TXNRD1: variants seen among roughly 807,000 people sequenced by gnomAD.
TXNRD1 encodes thioredoxin reductase 1, cytoplasmic.
TXNRD1 carries 57 observed loss-of-function variants against 80.3 expected under a neutral mutation model. That is an observed-to-expected ratio of 0.71 (90% CI 0.57 to 0.89). TXNRD1 has a LOEUF of 0.89. Among genes scored for constraint, TXNRD1 ranks in the 40% least tolerant of loss-of-function variants. The probability of loss-of-function intolerance (pLI) is 0.00; values close to 1 mark genes in which losing one functional copy is unlikely to be tolerated. For synonymous variants in TXNRD1, 291 were observed against 285.2 expected, an observed-to-expected ratio of 1.02 and a Z score of -0.20; for missense variants, 730 against 803.0, an observed-to-expected ratio of 0.91 and a Z score of 1.10.
chr12:104,306,415 C>T (rs981574244), intron 4 of TXNRD1, among the ~76,000 whole-genome samples: 2 of 152,074 alleles, frequency 1.3e-5, no homozygotes, highest in African/African-American at 4.8e-5. Context: ...AGCTTTCTTC[C>T]CCTTGATCCC....
chr12:104,271,856 C>T (rs1259490244), intron 3 of TXNRD1, among the ~76,000 whole-genome samples: 3 of 145,348 alleles, frequency 2.1e-5, no homozygotes, highest in African/African-American at 5.0e-5. Flanking sequence ...AGCAACAGAG[C>T]GAGACTCCAT....
chr12:104,314,960 C>G (rs1008689013), intron 6 of TXNRD1, among the ~76,000 whole-genome samples: 3 of 152,078 alleles, frequency 2.0e-5, no homozygotes, highest in Admixed American at 6.5e-5. Flanking sequence ...CCAGGCTGGT[C>G]TCGAACTCCT....
chr12:104,253,290 T>A (rs2135706235), intron 2 of TXNRD1, among the ~76,000 whole-genome samples: 1 of 152,252 alleles, frequency 6.6e-6, no homozygotes, highest in South Asian at 2.1e-4. Context: ...CTGAACACAT[T>A]CTGCATCGAT....
chr12:104,308,869 G>A (rs2035026770), intron 4 of TXNRD1, among the ~76,000 whole-genome samples: 1 of 147,706 alleles, frequency 6.8e-6, no homozygotes, highest in Non-Finnish European at 1.5e-5. Flanking sequence ...TCAATTTTAA[G>A]TTTGGTTAAA....
In TXNRD1 at chr12:104,252,765, C is replaced by T. The variant is rs781234358; in HGVS notation, c.243+1087C>T. On this transcript the variant is annotated intron_variant, in intron 2 of 16. Transcript: ENST00000525566. ...TTGCCAAGGCTGGAGTGCAGTGGCGCGATCTCAGCTCACTGCAAGCTCCGT... is the reference window on the plus strand; with the variant it reads ...TTGCCAAGGCTGGAGTGCAGTGGCGTGATCTCAGCTCACTGCAAGCTCCGT... Among the ~76,000 whole-genome samples the T allele has an allele frequency of 8.1e-4, 97 of 120,448 alleles. 1 individual carries two copies. Among genetic ancestry groups the T allele is most frequent in the East Asian group, 2.4e-3 (9 of 3,754 alleles). The allele number at this position is 120,448 out of a possible 152,430, so 79.0% of individuals were successfully genotyped here.
At position 104,321,191 on chromosome 12, in the gene TXNRD1, T is replaced by C; in HGVS notation, c.1090T>C (p.Leu364=). 1 of 1,613,934 alleles carries C rather than the reference T, an allele frequency of 6.2e-7. No homozygotes were observed. Among genetic ancestry groups the C allele is most frequent in the Non-Finnish European group, 8.5e-7 (1 of 1,179,870 alleles). The change falls in exon 10 of 17, where the codon TTA becomes CTA. Residue 364 remains leucine (L), a synonymous_variant. Coordinates refer to ENST00000525566, the MANE Select transcript of TXNRD1 (RefSeq NM_001093771.3). ...CGCTGGATTTCTTGCTGGTATTGGT[T>C]TAGACGTCACTGTTATGGTTAGGTC... ...ECAGFLAGIG[L]DVTVMVRSIL...
chr12:104,249,716 A>G (rs548464252), intron 1 of TXNRD1, among the ~76,000 whole-genome samples: 1 of 152,194 alleles, frequency 6.6e-6, no homozygotes, highest in East Asian at 1.9e-4. Flanking sequence ...TGGGCAGATC[A>G]CGAGGTCAGG....
At chr12:104,287,145 C>T (rs1274929606) in intron 3 of TXNRD1, 2 of 1,532,642 alleles carry the variant, frequency 1.3e-6, no homozygotes, top group Non-Finnish European at 1.7e-6. Flanking sequence ...GACAAAGCCG[C>T]GAGCCCAGGG....
chr12:104,287,376 G>C (rs746325529), intron 3 of TXNRD1: 23 of 1,613,988 alleles, frequency 1.4e-5, no homozygotes, highest in South Asian at 6.6e-5. Context: ...GTAGGCTGGC[G>C]GTTTCCTTCC....
chr12:104,334,559 CG>C (rs1383082018), intron 15 of TXNRD1, among the ~76,000 whole-genome samples: 3 of 152,002 alleles, frequency 2.0e-5, no homozygotes, highest in Non-Finnish European at 2.9e-5. Context: ...TTTTTGTAGA[CG>C]GGGGTTTCAC....
rs754290985 is a variant in TXNRD1, at chr12:104,318,889, AT to A, written c.731-20del. The A allele has an allele frequency of 3.2e-6, 5 of 1,584,090 alleles. No homozygotes were observed. In the Admixed American group the frequency reaches 9.4e-5, roughly 30 times the overall value. On this transcript the variant is annotated intron_variant, in intron 7 of 16. Coordinates refer to ENST00000525566, the MANE Select transcript of TXNRD1 (RefSeq NM_001093771.3). ...GCCAGCAGTTGAAAAGCCAAACAAG[AT>A]TTTGTTTTATTTTCTTATACAGTTA...
intron 4 of TXNRD1, among the ~76,000 whole-genome samples, chr12:104,299,835 T>G (rs1217869072): frequency 6.7e-6 from 1 of 149,738 alleles, no homozygotes; most frequent in Non-Finnish European, 1.5e-5. Flanking sequence ...TTCTGGCAAA[T>G]CAAACTAGGA....
rs899073033 is a variant in TXNRD1, at chr12:104,253,341, C to T, written c.243+1663C>T. 4.6e-5 allele frequency among the ~76,000 whole-genome samples: 7 copies of T among 152,214 alleles called. No individual in the cohort carries two copies. In the East Asian group the frequency reaches 1.4e-3, roughly 29 times the overall value. The stretch of plus-strand genomic sequence containing the variant: ...ATCCCTATCAATATGATAGTGATGC[C>T]TTTCATGTAGGACATCATATTGGGA... On this transcript the variant is annotated intron_variant, in intron 2 of 16. Transcript: ENST00000525566.
rs1447033379 is a variant in TXNRD1 at position 104,315,799 on chromosome 12, T to C, written c.633T>C (p.Asn211=). The part of the protein sequence containing the change: ...TRWGLGGTCV[N]VGCIPKKLMH... ...TAGGTCTCGGAGGAACATGTGTGAA[T>C]GTGGGTTGCATACCTAAAAAACTGA... The change falls in exon 7 of 17, where the codon AAT becomes AAC. Residue 211 remains asparagine (N), a synonymous_variant. Transcript: ENST00000525566. 1.2e-6 allele frequency: 2 copies of C among 1,611,804 alleles called. No homozygotes were observed. The highest frequency in any genetic ancestry group is 4.5e-5 in the East Asian group (2 of 44,798).
intron 14 of TXNRD1, among the ~76,000 whole-genome samples, chr12:104,332,909 C>A (rs146482822): frequency 6.6e-6 from 1 of 150,440 alleles, no homozygotes; most frequent in African/African-American, 2.5e-5. Flanking sequence ...TATTTTGATG[C>A]GTTTTTATAT....
At chr12:104,255,383 G>A (rs1242942362) in intron 2 of TXNRD1, among the ~76,000 whole-genome samples, 1 of 151,812 alleles carries the variant, frequency 6.6e-6, no homozygotes, top group Non-Finnish European at 1.5e-5. Flanking sequence ...CAGCTCTCCT[G>A]CCTATCCCTG....
intron 4 of TXNRD1, among the ~76,000 whole-genome samples, chr12:104,294,500 G>A (rs143959379): frequency 0.019 from 2,941 of 152,020 alleles, 93 homozygotes; most frequent in African/African-American, 0.066. Context: ...TATTGAGTGA[G>A]GATTATCATA....
At chr12:104,308,581 C>G (rs1475562370) in intron 4 of TXNRD1, among the ~76,000 whole-genome samples, 2 of 151,430 alleles carry the variant, frequency 1.3e-5, no homozygotes, top group Non-Finnish European at 2.9e-5. Flanking sequence ...TAGATAAAAC[C>G]CACATTAACA....
At chr12:104,306,305 T>G (rs2034912988) in intron 4 of TXNRD1, among the ~76,000 whole-genome samples, 1 of 152,250 alleles carries the variant, frequency 6.6e-6, no homozygotes, top group Non-Finnish European at 1.5e-5. Context: ...AAAGGCTTTT[T>G]TCTTTCCGTT....
Sources: allele counts gnomAD v4.1 joint callset (sites outside exome capture counted in the v4.1 genomes callset), GRCh38; gene constraint gnomAD v4.1.1; transcripts MANE v1.5; gene names NCBI Gene and HGNC (gene_info 2026-07-23, HGNC 2026-07-21).